The following HS3ST5 variants were observed in gnomAD, a reference collection of about 807,000 sequenced individuals.
The protein encoded by HS3ST5 is heparan sulfate glucosamine 3-O-sulfotransferase 5.
A neutral mutation model predicts 25.4 loss-of-function variants in HS3ST5; 10 were observed. The observed-to-expected ratio is 0.39, with a 90% CI of 0.24 to 0.67. The LOEUF is 0.67. HS3ST5 is among the 30% of genes least tolerant of loss of function. HS3ST5 has a pLI of 0.44. For missense variants in HS3ST5, 324 were observed against 420.7 expected (o/e 0.77, Z 2.01); for synonymous variants, 170 against 162.4 (o/e 1.05, Z -0.36).
intron 3 of HS3ST5, among the ~76,000 whole-genome samples, chr6:114,131,905 T>C (rs2114909318): frequency 6.6e-6 from 1 of 152,362 alleles, no homozygotes; most frequent in African/African-American, 2.4e-5. Context: ...GGAGTGATTG[T>C]GGTATATGCT....
intron 1 of HS3ST5, among the ~76,000 whole-genome samples, chr6:114,308,618 G>C (rs1775400683): frequency 6.6e-6 from 1 of 151,954 alleles, no homozygotes; most frequent in Non-Finnish European, 1.5e-5. Flanking sequence ...AAACTAACTA[G>C]ATGGCTCACT....
chr6:114,278,185 C>A (rs868439460), intron 1 of HS3ST5, among the ~76,000 whole-genome samples: 5 of 151,926 alleles, frequency 3.3e-5, no homozygotes, highest in African/African-American at 1.2e-4. Flanking sequence ...TATTCTTATG[C>A]GATTTATATA....
Position 114,075,130 on chromosome 6 carries a change from A to G in HS3ST5, c.-32-12253T>C, listed in dbSNP as rs904416564. Among the ~76,000 whole-genome samples the G allele has an allele frequency of 4.3e-4, 66 of 152,220 alleles. 1 individual carries two copies. Among genetic ancestry groups the G allele is most frequent in the Non-Finnish European group, 1.0e-4 (7 of 68,038 alleles). On this transcript the variant is annotated intron_variant, in intron 3 of 4. Coordinates refer to ENST00000312719, the MANE Select transcript of HS3ST5 (RefSeq NM_153612.4). ...CAACAGACACAGATTCTGCCTCATT[A>G]CTTTTGTAGTTTTCTAGTGTTCAAC...
chr6:114,284,460 T>C (rs1196024191), intron 1 of HS3ST5, among the ~76,000 whole-genome samples: 1 of 151,898 alleles, frequency 6.6e-6, no homozygotes, highest in African/African-American at 2.4e-5. Flanking sequence ...GAGAAGCTTG[T>C]CTCAGCCACA....
At chr6:114,063,317 C>T (rs181624584) in intron 3 of HS3ST5, among the ~76,000 whole-genome samples, 1 of 152,238 alleles carries the variant, frequency 6.6e-6, no homozygotes, top group African/African-American at 2.4e-5. Flanking sequence ...GAGTTCAAGA[C>T]CACCCTGGCC....
chr6:114,084,089 T>A lies in HS3ST5; in HGVS notation c.-32-21212A>T, dbSNP rs991669000. 4 of 572,078 alleles carry A rather than the reference T, an allele frequency of 7.0e-6. No homozygotes were observed. The African/African-American group carries it at 7.5e-5, about 11-fold the overall frequency. The allele number at this position is 572,078 out of a possible 1,614,324, so 35.4% of individuals were successfully genotyped here. On this transcript the variant is annotated intron_variant, in intron 3 of 4. Transcript: ENST00000312719. ...TCCCTGATCATATTTTCTTTTCTTT[T>A]TTTTTTTTTTTTAGAAACTGATGTT...
chr6:114,244,743 T>C (rs1772302200), intron 1 of HS3ST5, among the ~76,000 whole-genome samples: 1 of 152,152 alleles, frequency 6.6e-6, no homozygotes, highest in South Asian at 2.1e-4. Context: ...ATCTGTTCCT[T>C]ACCATCTATA....
At chr6:114,336,776 G>C (rs373498613) in intron 1 of HS3ST5, among the ~76,000 whole-genome samples, 22 of 152,224 alleles carry the variant, frequency 1.4e-4, no homozygotes, top group African/African-American at 4.8e-4. Context: ...TTATGTTGAG[G>C]CATGTTCAGA....
At chr6:114,155,045 T>C (rs1458657613) in intron 3 of HS3ST5, among the ~76,000 whole-genome samples, 1 of 152,186 alleles carries the variant, frequency 6.6e-6, no homozygotes, top group Non-Finnish European at 1.5e-5. Flanking sequence ...TGCACTGCCA[T>C]TGACCCAGCA....
intron 2 of HS3ST5, among the ~76,000 whole-genome samples, chr6:114,179,581 ACT>A (rs1475775098): frequency 6.7e-6 from 1 of 149,902 alleles, no homozygotes; most frequent in African/African-American, 2.5e-5. Flanking sequence ...TTAGTCAATG[ACT>A]CTGTTCCACA....
chr6:114,209,043 A>G (rs997489712), intron 2 of HS3ST5, among the ~76,000 whole-genome samples: 1 of 152,198 alleles, frequency 6.6e-6, no homozygotes, highest in Non-Finnish European at 1.5e-5. Flanking sequence ...TGGCATGTAA[A>G]GAACAGATTT....
intron 1 of HS3ST5, among the ~76,000 whole-genome samples, chr6:114,257,663 T>A (rs939540270): frequency 4.6e-5 from 7 of 152,190 alleles, no homozygotes; most frequent in Non-Finnish European, 7.3e-5. Flanking sequence ...ATTCAATAAC[T>A]TTTGTCCACA....
chr6:114,191,895 C>T (rs1337268279), intron 2 of HS3ST5, among the ~76,000 whole-genome samples: 1 of 152,146 alleles, frequency 6.6e-6, no homozygotes, highest in Non-Finnish European at 1.5e-5. Flanking sequence ...TGTATCTCCC[C>T]AACACGGCAT....
chr6:114,315,267 A>T (rs1775701217), intron 1 of HS3ST5, among the ~76,000 whole-genome samples: 1 of 152,164 alleles, frequency 6.6e-6, no homozygotes, highest in African/African-American at 2.4e-5. Flanking sequence ...ACTGCTGCAC[A>T]TATTAGAACA....
intron 1 of HS3ST5, among the ~76,000 whole-genome samples, chr6:114,256,185 A>G (rs545556973): frequency 5.9e-5 from 9 of 152,040 alleles, no homozygotes; most frequent in East Asian, 1.9e-4. Context: ...TCAGGACATC[A>G]AGACCATCTT....
At chr6:114,162,074 G>A (rs979133107) in intron 3 of HS3ST5, among the ~76,000 whole-genome samples, 1 of 151,914 alleles carries the variant, frequency 6.6e-6, no homozygotes, top group Non-Finnish European at 1.5e-5. Flanking sequence ...TTCTGTATCT[G>A]CAGTTATTAT....
At chr6:114,121,385 T>G (rs2114876959) in intron 3 of HS3ST5, among the ~76,000 whole-genome samples, 1 of 152,336 alleles carries the variant, frequency 6.6e-6, no homozygotes, top group Admixed American at 6.5e-5. Flanking sequence ...GAGTTCTTTC[T>G]GTAATGCAGT....
intron 1 of HS3ST5, among the ~76,000 whole-genome samples, chr6:114,312,794 C>A (rs552412645): frequency 1.3e-5 from 2 of 151,994 alleles, no homozygotes; most frequent in South Asian, 4.2e-4. Flanking sequence ...CTTTGGGAGG[C>A]CCAGGTAGGC....
chr6:114,094,114 A>G (rs1775294049), intron 3 of HS3ST5, among the ~76,000 whole-genome samples: 1 of 152,194 alleles, frequency 6.6e-6, no homozygotes. Context: ...AAATAGAAAA[A>G]AGGGGATGAG....
Sources: allele counts gnomAD v4.1 joint callset (sites outside exome capture counted in the v4.1 genomes callset), GRCh38; gene constraint gnomAD v4.1.1; transcripts MANE v1.5; gene names NCBI Gene and HGNC (gene_info 2026-07-23, HGNC 2026-07-21).